RPTOR: variants seen among roughly 807,000 people sequenced by gnomAD.
RPTOR encodes regulatory-associated protein of mTOR.
A neutral mutation model predicts 169.9 loss-of-function variants in RPTOR; 21 were observed. The ratio of observed to expected loss-of-function variants is 0.12; its 90% CI spans 0.09 to 0.18. The LOEUF (loss-of-function observed/expected upper bound fraction) is 0.18, where lower values mean the gene tolerates loss of function less well. Ranked by LOEUF, RPTOR falls within the 10% of genes least tolerant of loss-of-function variation. The pLI is 1.00. For missense variants in RPTOR, 1,133 were observed against 1,855.9 expected, an observed-to-expected ratio of 0.61 and a Z score of 7.16; for synonymous variants, 732 against 753.2, an observed-to-expected ratio of 0.97 and a Z score of 0.46.
At chr17:80,758,895 C>T (rs1260314447) in intron 6 of RPTOR, among the ~76,000 whole-genome samples, 2 of 151,636 alleles carry the variant, frequency 1.3e-5, no homozygotes, top group African/African-American at 4.9e-5. Context: ...CAAGGGGAAC[C>T]GGAAATGACA....
At chr17:80,666,295 A>G (rs182186070) in intron 3 of RPTOR, among the ~76,000 whole-genome samples, 186 of 152,168 alleles carry the variant, frequency 1.2e-3, no homozygotes, top group Non-Finnish European at 2.2e-3. Context: ...TCTTCTTGCT[A>G]TGAGTTTAAG....
chr17:80,961,252 C>G (rs957516626), intron 30 of RPTOR, 142 bp from the exon 31 acceptor site: 52 of 705,142 alleles, frequency 7.4e-5, no homozygotes, highest in Non-Finnish European at 1.0e-4. Context: ...TGCGTGAGCA[C>G]TAGCCCCTCG....
intron 13 of RPTOR, among the ~76,000 whole-genome samples, chr17:80,874,337 C>T (rs568336380): frequency 2.6e-5 from 4 of 152,176 alleles, no homozygotes; most frequent in African/African-American, 9.6e-5. Context: ...ACTGGGACCA[C>T]AGGCGCGTGC....
chr17:80,712,014 G>A (rs1245978549), intron 4 of RPTOR, among the ~76,000 whole-genome samples: 2 of 152,018 alleles, frequency 1.3e-5, no homozygotes, highest in Non-Finnish European at 2.9e-5. Flanking sequence ...AAAGTGCTGG[G>A]ATTACAGGCG....
chr17:80,812,628 C>T (rs1021613486), intron 7 of RPTOR, among the ~76,000 whole-genome samples: 1 of 152,158 alleles, frequency 6.6e-6, no homozygotes, highest in Non-Finnish European at 1.5e-5. Context: ...GAGGTGGCCC[C>T]AAACGAAAGC....
intron 3 of RPTOR, among the ~76,000 whole-genome samples, chr17:80,667,655 A>G (rs1174087535): frequency 2.6e-5 from 4 of 152,218 alleles, no homozygotes; most frequent in Non-Finnish European, 4.4e-5. Context: ...TCTTGGGACA[A>G]AGATAACAAG....
chr17:80,645,060 G>A (rs538327298), intron 3 of RPTOR, among the ~76,000 whole-genome samples: 13 of 152,336 alleles, frequency 8.5e-5, no homozygotes, highest in South Asian at 8.3e-4. Flanking sequence ...GGCGCAGTGC[G>A]TTTGGGGATG....
intron 3 of RPTOR, among the ~76,000 whole-genome samples, chr17:80,650,182 C>G (rs1599634827): frequency 6.6e-6 from 1 of 152,212 alleles, no homozygotes; most frequent in East Asian, 1.9e-4. Flanking sequence ...GGGTTTCAGT[C>G]CATTAGAGCT....
intron 4 of RPTOR, chr17:80,709,246 A>G: frequency 3.3e-6 from 1 of 300,512 alleles, no homozygotes; most frequent in African/African-American, 2.3e-5. Context: ...TGAAGGAAGT[A>G]GGATTTACAG....
chr17:80,715,622 A>G (rs1449501577), intron 4 of RPTOR, among the ~76,000 whole-genome samples: 2 of 147,418 alleles, frequency 1.4e-5, no homozygotes, highest in Admixed American at 6.7e-5. Flanking sequence ...TCCATAGGTT[A>G]TTGGGGTACA....
intron 21 of RPTOR, among the ~76,000 whole-genome samples, chr17:80,921,815 G>A (rs1195695499): frequency 6.6e-6 from 1 of 152,124 alleles, no homozygotes; most frequent in Middle Eastern, 3.2e-3. Context: ...TCCGGGAGCA[G>A]CCATCCCCTT....
chr17:80,682,972 T>A (rs1375131386), intron 3 of RPTOR, among the ~76,000 whole-genome samples: 1 of 152,154 alleles, frequency 6.6e-6, no homozygotes, highest in African/African-American at 2.4e-5. Context: ...AGCTAATTTA[T>A]TTATTTTTTG....
intron 13 of RPTOR, among the ~76,000 whole-genome samples, chr17:80,879,608 C>G (rs1054254172): frequency 3.9e-5 from 6 of 152,204 alleles, no homozygotes; most frequent in African/African-American, 1.4e-4. Flanking sequence ...TTCCAAGCAC[C>G]CTATGGTGCC....
intron 1 of RPTOR, among the ~76,000 whole-genome samples, chr17:80,556,794 A>C (rs1043796484): frequency 2.6e-5 from 4 of 151,518 alleles, no homozygotes; most frequent in African/African-American, 9.7e-5. Context: ...AAAAAAAAAA[A>C]AAAACTTAAA....
intron 17 of RPTOR, among the ~76,000 whole-genome samples, chr17:80,886,546 G>A (rs533125146): frequency 6.6e-6 from 1 of 152,338 alleles, no homozygotes; most frequent in South Asian, 2.1e-4. Context: ...TCTTTTTAAA[G>A]TAAGGAAAGC....
chr17:80,707,807 G>A lies in RPTOR; in HGVS notation c.349-34G>A, dbSNP rs774992705. 11 of 1,600,182 alleles carry A rather than the reference G, an allele frequency of 6.9e-6. No individual in the cohort carries two copies. Among genetic ancestry groups the A allele is most frequent in the African/African-American group, 4.0e-5 (3 of 74,616 alleles). ...GAGTTCCAAGCATTCCCTGGAGTCCGTGGTAAATTTCTTCATTTCTTCTCC... is the reference window on the plus strand; with the variant it reads ...GAGTTCCAAGCATTCCCTGGAGTCCATGGTAAATTTCTTCATTTCTTCTCC... On this transcript the variant is annotated intron_variant, in intron 3 of 33. Transcript: ENST00000306801. This position sits in a 1 kb window ranked among gnomAD's most constrained non-coding sequence, Gnocchi z 5.0.
chr17:80,634,418 ACCGTGTGTG>A (rs2065475771), intron 2 of RPTOR, among the ~76,000 whole-genome samples: 1 of 93,680 alleles, frequency 1.1e-5, no homozygotes, highest in African/African-American at 4.3e-5. Context: ...GTGTGTGCAT[ACCGTGTGTG>A]TGTGCATACT....
chr17:80,923,816 C>G (rs1429269959), intron 23 of RPTOR, 143 bp downstream of exon 23: 1 of 931,218 alleles, frequency 1.1e-6, no homozygotes. Context: ...GTGGGCCACT[C>G]TCTGCCTTTG....
chr17:80,776,251 T>A (rs946646957), intron 6 of RPTOR, among the ~76,000 whole-genome samples: 20 of 151,966 alleles, frequency 1.3e-4, no homozygotes, highest in African/African-American at 4.8e-4. Flanking sequence ...GACTATTTCT[T>A]AGAATATGTT....
Sources: allele counts gnomAD v4.1 joint callset (sites outside exome capture counted in the v4.1 genomes callset), GRCh38; gene constraint gnomAD v4.1.1; non-coding constraint Gnocchi (gnomAD v3.1); transcripts MANE v1.5; gene names NCBI Gene and HGNC (gene_info 2026-07-23, HGNC 2026-07-21).